The following ATP7B variants were observed in gnomAD, a reference collection of about 807,000 sequenced individuals.
The protein encoded by ATP7B is ATPase copper transporting beta, also known as copper-transporting ATPase 2.
ATP7B carries 113 observed loss-of-function variants against 118.9 expected under a neutral mutation model. The ratio of observed to expected loss-of-function variants is 0.95; its 90% CI spans 0.82 to 1.11. The LOEUF (loss-of-function observed/expected upper bound fraction) is 1.11, where lower values mean the gene tolerates loss of function less well. Ranked by LOEUF, ATP7B falls within the 50% of genes most tolerant of loss-of-function variation. The pLI is 0.00. For missense variants in ATP7B, 1,867 were observed against 1,871.4 expected (o/e 1.00, Z 0.04); for synonymous variants, 777 against 727.4 (o/e 1.07, Z -1.10).
intron 19 of ATP7B, among the ~76,000 whole-genome samples, chr13:51,936,678 T>TGGG (rs1956984861): frequency 6.6e-6 from 1 of 152,066 alleles, no homozygotes; most frequent in African/African-American, 2.4e-5. Flanking sequence ...AGGTGTACGC[T>TGGG]ACCACGCCCA....
At chr13:51,978,687 T>C (rs1384976731) in intron 1 of ATP7B, 6 of 152,202 alleles carry the variant, frequency 3.9e-5, no homozygotes, top group African/African-American at 4.8e-5. Context: ...CTGTATGTAA[T>C]GAAATAAGCT....
chr13:52,000,911 T>G (rs996130582), intron 1 of ATP7B, among the ~76,000 whole-genome samples: 18 of 152,106 alleles, frequency 1.2e-4, no homozygotes, highest in Admixed American at 9.8e-4. Context: ...TCCCAGCTAC[T>G]CAGAAGGCTG....
At chr13:51,966,895 C>T (rs985441483) in intron 4 of ATP7B, 93 of 1,612,676 alleles carry the variant, frequency 5.8e-5, no homozygotes, top group Non-Finnish European at 7.0e-5. Flanking sequence ...TGGCAGAAAC[C>T]TCACCACAAA....
At chr13:51,975,669 G>C (rs1316525763) in intron 1 of ATP7B, 1 of 454,610 alleles carries the variant, frequency 2.2e-6, no homozygotes, top group African/African-American at 2.0e-5. Flanking sequence ...CTCTTTCTAG[G>C]GGTGTCTGTC....
At chr13:51,947,564 A>G (rs953091248) in intron 12 of ATP7B, among the ~76,000 whole-genome samples, 2 of 152,326 alleles carry the variant, frequency 1.3e-5, no homozygotes, top group Admixed American at 6.5e-5. Context: ...TTTAGCTTCC[A>G]TCTACATTTT....
At chr13:51,961,021 T>C (rs925980008) in intron 6 of ATP7B, among the ~76,000 whole-genome samples, 1 of 152,074 alleles carries the variant, frequency 6.6e-6, no homozygotes, top group African/African-American at 2.4e-5. Flanking sequence ...GCTGTTCAGA[T>C]GCCTCTCCCG....
rs950021966 is a variant in ATP7B at position 51,933,719 on chromosome 13, C to T, written c.*1037G>A. The T allele has an allele frequency of 4.6e-5, 7 of 152,374 alleles. No individual in the cohort carries two copies. Among genetic ancestry groups the T allele is most frequent in the East Asian group, 1.9e-4 (1 of 5,158 alleles). The allele number at this position is 152,374 out of a possible 1,614,324, so 9.4% of individuals were successfully genotyped here. ...TTCCTCCAAGCCACACAAGGCCAGG[C>T]GCTAGTCACATGAATTCTCTACTGA... On this transcript the variant is annotated 3_prime_UTR_variant, in exon 21 of 21. Transcript: ENST00000242839.
At chr13:51,937,995 C>T (rs1957074431) in intron 17 of ATP7B, among the ~76,000 whole-genome samples, 1 of 152,204 alleles carries the variant, frequency 6.6e-6, no homozygotes, top group Non-Finnish European at 1.5e-5. Flanking sequence ...TCCGTCCGGC[C>T]ATGTCCCTCC....
In ATP7B at chr13:51,942,537, G is replaced by C. The variant is rs375820067; in HGVS notation, c.3261C>G (p.Thr1087=). ...KYCKEELGTE[T]LGYCTDFQAV... ...CCTGGAAGTCCGTGCAGTATCCCAA[G>C]GTCTCTGTTCCAAGTTCCTGGGAAG... The change falls in exon 15 of 21, where the codon ACC becomes ACG. Residue 1087 remains threonine (T), a synonymous_variant. Coordinates refer to ENST00000242839, the MANE Select transcript of ATP7B (RefSeq NM_000053.4). The C allele has an allele frequency of 2.5e-6, 4 of 1,613,986 alleles. No homozygotes were observed. Among genetic ancestry groups the C allele is most frequent in the Non-Finnish European group, 3.4e-6 (4 of 1,180,028 alleles).
At position 51,960,274 on chromosome 13, in the gene ATP7B, CA is replaced by C. The variant is rs759436127; in HGVS notation, c.1994del (p.Met665ArgfsTer3). 1 of 1,613,778 alleles carries C rather than the reference CA, an allele frequency of 6.2e-7. No homozygotes were observed. The highest frequency in any genetic ancestry group is 8.5e-7 in the Non-Finnish European group (1 of 1,179,868). On this transcript the variant is annotated frameshift_variant, in exon 7 of 21. Coordinates refer to ENST00000242839, the MANE Select transcript of ATP7B (RefSeq NM_000053.4). LOFTEE classifies it high-confidence loss of function. ...GTATCAGCATATAGATCATTAAGGC[CA>C]TGACAGGGATGCCAAACACCAGGCT... ...LCSLVFGIPVMALMIYMLIPS... is the reference protein window; with the variant it reads ...LCSLVFGIPVXALMIYMLIPS...
At chr13:51,964,574 C>A (rs1958965028) in intron 5 of ATP7B, among the ~76,000 whole-genome samples, 1 of 152,162 alleles carries the variant, frequency 6.6e-6, no homozygotes, top group Admixed American at 6.5e-5. Flanking sequence ...GGCACTTTAA[C>A]CCTATGTACA....
intron 1 of ATP7B, among the ~76,000 whole-genome samples, chr13:51,985,255 C>T (rs887703299): frequency 4.6e-5 from 7 of 151,796 alleles, no homozygotes; most frequent in African/African-American, 1.5e-4. Context: ...AAAAAAAAGT[C>T]GGGGTTGGAA....
At chr13:51,962,269 C>G (rs75501614) in intron 5 of ATP7B, among the ~76,000 whole-genome samples, 1 of 152,224 alleles carries the variant, frequency 6.6e-6, no homozygotes, top group East Asian at 1.9e-4. Context: ...TTGCCCAAAG[C>G]CCCACCCTTC....
Position 51,937,384 on chromosome 13 carries a change from G to A in ATP7B, c.3913C>T (p.Leu1305=), listed in dbSNP as rs1165577424. 6.2e-7 allele frequency: 1 copy of A among 1,614,226 alleles called. No individual in the cohort carries two copies. Among genetic ancestry groups the A allele is most frequent in the South Asian group, 1.1e-5 (1 of 91,084 alleles). ...AGGTGAATGCTAGCCACCACATCCA[G>A]CAAATCATTCTGATGGAGAGGAGCA... ...ADVVLIRNDL[L]DVVASIHLSK... Residue 1305 remains leucine, a synonymous_variant, in exon 19 of 21, where the codon CTG becomes TTG. Transcript: ENST00000242839.
At position 51,935,714 on chromosome 13, in the gene ATP7B, G is replaced by C; in HGVS notation, c.4022-19C>G. On this transcript the variant is annotated intron_variant, in intron 19 of 20. Transcript: ENST00000242839. ...AAGACACCTGGGGAAGAAAGAACTCGCACTCACACCTAGGTCTGGGGAGAG... is the reference window on the plus strand; with the variant it reads ...AAGACACCTGGGGAAGAAAGAACTCCCACTCACACCTAGGTCTGGGGAGAG... 6.2e-7 allele frequency: 1 copy of C among 1,600,568 alleles called. No individual in the cohort carries two copies. The highest frequency in any genetic ancestry group is 8.5e-7 in the Non-Finnish European group (1 of 1,172,846).
In ATP7B at chr13:51,970,701, A is replaced by G; in HGVS notation, c.1334T>C (p.Met445Thr). 6.2e-7 allele frequency: 1 copy of G among 1,614,174 alleles called. No homozygotes were observed. The highest frequency in any genetic ancestry group is 1.1e-5 in the South Asian group (1 of 91,074). The change falls in exon 3 of 21, where the codon ATG becomes ACG. Residue 445 changes from methionine to threonine, a missense_variant. Coordinates refer to ENST00000242839, the MANE Select transcript of ATP7B (RefSeq NM_000053.4). ...PLGNHSAGNS[M>T]VQTTDGTPTS... ...AGGTGTACCATCTGTAGTTTGCACC[A>G]TGGAATTCCCAGCACTGTGGTTTCC...
In ATP7B at chr13:51,960,195, G is replaced by T. The variant is rs1425940246; in HGVS notation, c.2074C>A (p.Leu692Met). The T allele has an allele frequency of 1.9e-6, 3 of 1,614,004 alleles. No homozygotes were observed. The South Asian group carries it at 3.3e-5, about 18-fold the overall frequency. The change falls in exon 7 of 21, where the codon CTG becomes ATG. Residue 692 changes from leucine (L) to methionine (M), a missense_variant. Leu to Met is a conservative substitution (Grantham distance 15). Transcript: ENST00000242839. ...MVLDHNIIPG[L>M]SILNLIFFIL... Reference sequence around the variant, plus strand: ...AAGAAGATGAGATTTAGAATGGACAGTCCTGGAATGATGTTGTGGTCCAGG... The same window carrying T: ...AAGAAGATGAGATTTAGAATGGACATTCCTGGAATGATGTTGTGGTCCAGG...
intron 14 of ATP7B, among the ~76,000 whole-genome samples, chr13:51,943,341 G>C (rs923976190): frequency 2.6e-5 from 4 of 152,180 alleles, no homozygotes; most frequent in Non-Finnish European, 5.9e-5. Context: ...GATTCTCCCT[G>C]AAATGTCAGA....
At chr13:51,958,816 GA>G (rs1015559367) in intron 7 of ATP7B, 6 of 460,766 alleles carry the variant, frequency 1.3e-5, no homozygotes, top group South Asian at 2.1e-5. Context: ...AAAAGTTGGG[GA>G]AAAAAATCAC....
Sources: gnomAD v4.1 joint callset for allele counts (sites outside exome capture counted in the v4.1 genomes callset) on GRCh38, gnomAD v4.1.1 for gene constraint, MANE v1.5 for transcripts, NCBI Gene and HGNC (gene_info 2026-07-23, HGNC 2026-07-21) for gene names.